The following EFNA5 variants were observed in gnomAD, a reference collection of about 807,000 sequenced individuals.
EFNA5 encodes the protein ephrin-A5.
In EFNA5, 5 loss-of-function variants were observed where a neutral mutation model predicts 22.9. The observed-to-expected ratio is 0.22, with a 90% CI of 0.11 to 0.46. EFNA5 has a LOEUF of 0.46. Ranked by LOEUF, EFNA5 falls within the 20% of genes least tolerant of loss-of-function variation. The pLI is 0.99. For synonymous variants in EFNA5, 113 were observed against 112.2 expected (o/e 1.01, Z -0.04); for missense variants, 237 against 293.3 (o/e 0.81, Z 1.40).
At chr5:107,534,897 G>C (rs140628952) in intron 1 of EFNA5, among the ~76,000 whole-genome samples, 1 of 152,136 alleles carries the variant, frequency 6.6e-6, no homozygotes, top group Non-Finnish European at 1.5e-5. Context: ...TATAAAGCCT[G>C]AATTTCTTTC....
intron 1 of EFNA5, among the ~76,000 whole-genome samples, chr5:107,432,521 T>G (rs1748990286): frequency 6.6e-6 from 1 of 152,230 alleles, no homozygotes; most frequent in African/African-American, 2.4e-5. Context: ...ACTATAAGAA[T>G]TTCTGGCTGT....
intron 1 of EFNA5, among the ~76,000 whole-genome samples, chr5:107,447,253 CA>C (rs33968805): frequency 0.24 from 36,823 of 152,124 alleles, 4,751 homozygotes; most frequent in East Asian, 0.53. Context: ...TAAGTGTCTT[CA>C]CACTGCATTA....
intron 1 of EFNA5, among the ~76,000 whole-genome samples, chr5:107,438,229 C>T (rs1749166632): frequency 6.6e-6 from 1 of 152,174 alleles, no homozygotes; most frequent in Non-Finnish European, 1.5e-5. Context: ...CCCCTACCCC[C>T]ACACAGCCTC....
In EFNA5 at chr5:107,559,697, A is replaced by G. The variant is rs538259230; in HGVS notation, c.125+110792T>C. On this transcript the variant is annotated intron_variant, in intron 1 of 4. Coordinates refer to ENST00000333274, the MANE Select transcript of EFNA5 (RefSeq NM_001962.3). ...AAATATAACTGTTTGAAAGTCATTC[A>G]TCACATCTCTGGAAGAAGTCCTCCT... 2.0e-5 allele frequency among the ~76,000 whole-genome samples: 3 copies of G among 152,356 alleles called. No homozygotes were observed. In the South Asian group the frequency reaches 6.2e-4, roughly 32 times the overall value.
chr5:107,659,312 A>T (rs1163647101), intron 1 of EFNA5, among the ~76,000 whole-genome samples: 1 of 152,142 alleles, frequency 6.6e-6, no homozygotes, highest in African/African-American at 2.4e-5. Context: ...AGGAATGAAA[A>T]TAGTAATGGA....
Position 107,381,363 on chromosome 5 carries a change from A to C in EFNA5, c.579T>G (p.His193Gln), listed in dbSNP as rs1171980334. 1.2e-6 allele frequency: 2 copies of C among 1,613,330 alleles called. No homozygotes were observed. The highest frequency in any genetic ancestry group is 2.7e-5 in the African/African-American group (2 of 75,044). Residue 193 changes from histidine to glutamine, a missense_variant, in exon 5 of 5, where the codon CAT becomes CAG. Coordinates refer to ENST00000333274, the MANE Select transcript of EFNA5 (RefSeq NM_001962.3). ...CGCCGCGGGATGGCTCGGCTGACTC[A>C]TGTACGGTGTCATCTGTTCAAATAG... The part of the protein sequence containing the change: ...NSLEPADDTV[H>Q]ESAEPSRGEN...
intron 1 of EFNA5, among the ~76,000 whole-genome samples, chr5:107,447,860 C>T (rs1749437378): frequency 6.6e-6 from 1 of 151,816 alleles, no homozygotes; most frequent in African/African-American, 2.4e-5. Context: ...TTTATTTCCC[C>T]CCTCTGAGAT....
intron 1 of EFNA5, among the ~76,000 whole-genome samples, chr5:107,603,322 A>C (rs952251246): frequency 2.0e-5 from 3 of 152,158 alleles, no homozygotes; most frequent in African/African-American, 7.2e-5. Flanking sequence ...TACAGAATTG[A>C]CTGTAGTTTC....
intron 2 of EFNA5, among the ~76,000 whole-genome samples, chr5:107,394,205 G>C (rs1747860455): frequency 6.6e-6 from 1 of 152,184 alleles, no homozygotes; most frequent in South Asian, 2.1e-4. Flanking sequence ...TACCAAGCTT[G>C]CATTCATGGT....
At chr5:107,640,018 T>G (rs1226797020) in intron 1 of EFNA5, among the ~76,000 whole-genome samples, 1 of 152,148 alleles carries the variant, frequency 6.6e-6, no homozygotes, top group African/African-American at 2.4e-5. Flanking sequence ...TAAGGAACAG[T>G]AGGTCAGTAT....
intron 1 of EFNA5, among the ~76,000 whole-genome samples, chr5:107,458,668 G>A (rs181188489): frequency 1.2e-4 from 19 of 152,192 alleles, no homozygotes; most frequent in Admixed American, 3.3e-4. Context: ...GAAAACCTCC[G>A]TATGGGTATC....
chr5:107,545,247 T>A (rs1580522761), intron 1 of EFNA5, among the ~76,000 whole-genome samples: 3 of 152,280 alleles, frequency 2.0e-5, no homozygotes, highest in African/African-American at 7.2e-5. Context: ...TTCAGTAATA[T>A]CGGCTGTAAG....
chr5:107,581,064 G>C (rs949762883), intron 1 of EFNA5, among the ~76,000 whole-genome samples: 1 of 152,156 alleles, frequency 6.6e-6, no homozygotes, highest in South Asian at 2.1e-4. Flanking sequence ...CAAAATATAT[G>C]GTTGTAGCAA....
At chr5:107,642,189 G>C (rs1004328466) in intron 1 of EFNA5, among the ~76,000 whole-genome samples, 1 of 152,176 alleles carries the variant, frequency 6.6e-6, no homozygotes, top group Non-Finnish European at 1.5e-5. Flanking sequence ...GGAGGGGACT[G>C]TAGGGATTGG....
intron 1 of EFNA5, among the ~76,000 whole-genome samples, chr5:107,580,721 C>CAAAAAAAAAA (rs56868732): frequency 1.2e-4 from 10 of 83,492 alleles, no homozygotes; most frequent in Admixed American, 1.4e-4. Context: ...GACTCCATCT[C>CAAAAAAAAAA]AAAAAAAAAA....
chr5:107,620,402 A>G (rs1246719327), intron 1 of EFNA5, among the ~76,000 whole-genome samples: 3 of 152,234 alleles, frequency 2.0e-5, no homozygotes, highest in African/African-American at 7.2e-5. Context: ...ATACACAGAA[A>G]GTTAAGATTC....
chr5:107,496,164 TA>T (rs35565454), intron 1 of EFNA5, among the ~76,000 whole-genome samples: 24,738 of 93,090 alleles, frequency 0.27, 2,550 homozygotes, highest in East Asian at 0.51. Flanking sequence ...CTGTCTCTGC[TA>T]AAAAAAAAAA....
Position 107,381,364 on chromosome 5 carries a change from T to C in EFNA5, c.578A>G (p.His193Arg). The change falls in exon 5 of 5, where the codon CAT (histidine) becomes CGT (arginine). Residue 193 changes from histidine (H) to arginine (R), a missense_variant. Coordinates refer to ENST00000333274, the MANE Select transcript of EFNA5 (RefSeq NM_001962.3). Reference protein sequence around the residue: ...NSLEPADDTVHESAEPSRGEN... With the variant: ...NSLEPADDTVRESAEPSRGEN... ...GCCGCGGGATGGCTCGGCTGACTCA[T>C]GTACGGTGTCATCTGTTCAAATAGA... 2 of 1,613,218 alleles carry C rather than the reference T, an allele frequency of 1.2e-6. No homozygotes were observed. The highest frequency in any genetic ancestry group is 1.7e-6 in the Non-Finnish European group (2 of 1,179,332).
chr5:107,511,679 G>C (rs909946617), intron 1 of EFNA5, among the ~76,000 whole-genome samples: 1 of 151,886 alleles, frequency 6.6e-6, no homozygotes, highest in Non-Finnish European at 1.5e-5. Flanking sequence ...TGTAAATTAA[G>C]TGCCCTAAAT....
Sources: gnomAD v4.1 joint callset for allele counts (sites outside exome capture counted in the v4.1 genomes callset) on GRCh38, gnomAD v4.1.1 for gene constraint, MANE v1.5 for transcripts, NCBI Gene and HGNC (gene_info 2026-07-23, HGNC 2026-07-21) for gene names.